PRKN: variants seen among roughly 807,000 people sequenced by gnomAD.
PRKN encodes the protein E3 ubiquitin-protein ligase parkin.
In PRKN, 56 loss-of-function variants were observed where a neutral mutation model predicts 59.5. That is an observed-to-expected ratio of 0.94 (90% CI 0.76 to 1.18). PRKN has a LOEUF of 1.18. Ranked by LOEUF, PRKN falls within the 50% of genes most tolerant of loss-of-function variation. The pLI, the probability that PRKN is intolerant of heterozygous loss-of-function variation, is 0.00. For synonymous variants in PRKN, 250 were observed against 222.1 expected, an observed-to-expected ratio of 1.13 and a Z score of -1.12; for missense variants, 657 against 596.4, an observed-to-expected ratio of 1.10 and a Z score of -1.06.
intron 1 of PRKN, among the ~76,000 whole-genome samples, chr6:162,652,934 A>G (rs1778501886): frequency 6.6e-6 from 1 of 152,206 alleles, no homozygotes; most frequent in African/African-American, 2.4e-5. Flanking sequence ...AAAGATATAA[A>G]ACAGGCCTTT....
rs184214003 is a variant in PRKN, at chr6:162,658,496, T to C, written c.7+69166A>G. 4.7e-3 allele frequency among the ~76,000 whole-genome samples: 720 copies of C among 151,772 alleles called. 19 individuals carry two copies. Among genetic ancestry groups the C allele is most frequent in the Admixed American group, 0.042 (640 of 15,244 alleles). On this transcript the variant is annotated intron_variant, in intron 1 of 11. Transcript: ENST00000366898. Reference sequence around the variant, plus strand: ...AGCCAACATGGTGAAACCCCGTCTCTACAAATATAAAAAAATTAGCTGGGC... The same window carrying C: ...AGCCAACATGGTGAAACCCCGTCTCCACAAATATAAAAAAATTAGCTGGGC...
chr6:162,451,787 G>GA (rs74336346), intron 1 of PRKN, among the ~76,000 whole-genome samples: 11,779 of 151,976 alleles, frequency 0.078, 599 homozygotes, highest in Middle Eastern at 0.12. Flanking sequence ...GAGTCACAAA[G>GA]AAAAAATGAA....
At chr6:161,969,267 TG>T (rs1554255932) in intron 6 of PRKN, among the ~76,000 whole-genome samples, 54 of 134,402 alleles carry the variant, frequency 4.0e-4, no homozygotes, top group African/African-American at 1.3e-3. Context: ...CAGTCTTATT[TG>T]TTTTTTTTTT....
chr6:161,890,309 T>C (rs971531308), intron 6 of PRKN, among the ~76,000 whole-genome samples: 14 of 152,188 alleles, frequency 9.2e-5, no homozygotes, highest in Admixed American at 8.5e-4. Flanking sequence ...CTTCCCTTTT[T>C]TCCTTCAGGA....
chr6:162,277,056 A>G (rs59548612), intron 2 of PRKN, among the ~76,000 whole-genome samples: 10,991 of 152,228 alleles, frequency 0.072, 1,095 homozygotes, highest in East Asian at 0.5. Context: ...GTTCTTCCAT[A>G]CAGAACAACA....
At chr6:162,360,675 A>G (rs1357399794) in intron 2 of PRKN, among the ~76,000 whole-genome samples, 2 of 152,218 alleles carry the variant, frequency 1.3e-5, no homozygotes, top group African/African-American at 4.8e-5. Flanking sequence ...CAAGAAGTCA[A>G]AAGTAAACAC....
At position 161,373,854 on chromosome 6, in the gene PRKN, T is replaced by C. The variant is rs1275376130; in HGVS notation, c.1167+12940A>G. 6.6e-6 allele frequency among the ~76,000 whole-genome samples: 1 copy of C among 152,158 alleles called. No individual in the cohort carries two copies. Among genetic ancestry groups the C allele is most frequent in the Non-Finnish European group, 1.5e-5 (1 of 68,024 alleles). On this transcript the variant is annotated intron_variant, in intron 10 of 11. Transcript: ENST00000366898. The surrounding 1 kb of genome is among the most constrained non-coding windows in gnomAD (Gnocchi z 4.8). ...GGGGCCAGGATCCAGCTGTTAGCTTTTCAAATCTGCACACCTCTCAGAAAT... is the reference window on the plus strand; with the variant it reads ...GGGGCCAGGATCCAGCTGTTAGCTTCTCAAATCTGCACACCTCTCAGAAAT...
chr6:162,676,117 C>T (rs2803088), intron 1 of PRKN, among the ~76,000 whole-genome samples: 125,575 of 152,122 alleles, frequency 0.83, 52,100 homozygotes, highest in East Asian at 0.98. Context: ...GAGGAAGACA[C>T]TAGTAACAGA....
intron 5 of PRKN, among the ~76,000 whole-genome samples, chr6:161,999,497 CA>C (rs1483313306): frequency 6.6e-6 from 1 of 152,082 alleles, no homozygotes; most frequent in African/African-American, 2.4e-5. Context: ...TATGCATGAG[CA>C]AATATTTCAT....
At chr6:161,918,746 G>T (rs1778670429) in intron 6 of PRKN, among the ~76,000 whole-genome samples, 1 of 152,126 alleles carries the variant, frequency 6.6e-6, no homozygotes, top group Non-Finnish European at 1.5e-5. Context: ...ATGTAATTAG[G>T]CAAAAGCTTT....
intron 1 of PRKN, among the ~76,000 whole-genome samples, chr6:162,458,009 T>C (rs1790963096): frequency 6.6e-6 from 1 of 151,542 alleles, no homozygotes; most frequent in Non-Finnish European, 1.5e-5. Context: ...TAATCCAAGC[T>C]CTTTGAGAGG....
At chr6:162,373,248 T>C (rs1785867883) in intron 2 of PRKN, among the ~76,000 whole-genome samples, 1 of 152,212 alleles carries the variant, frequency 6.6e-6, no homozygotes, top group Non-Finnish European at 1.5e-5. Context: ...AGTTTAAGTT[T>C]TCTTTTGAGA....
chr6:162,087,535 G>T (rs939205279), intron 4 of PRKN, among the ~76,000 whole-genome samples: 2 of 149,902 alleles, frequency 1.3e-5, no homozygotes, highest in African/African-American at 4.9e-5. Context: ...AGGAAGCATG[G>T]TTTCTGCTTC....
At chr6:162,213,976 T>C (rs777734691) in intron 3 of PRKN, among the ~76,000 whole-genome samples, 1 of 151,776 alleles carries the variant, frequency 6.6e-6, no homozygotes. Flanking sequence ...CATCCACTCA[T>C]ACCCTTAGGA....
intron 7 of PRKN, among the ~76,000 whole-genome samples, chr6:161,642,699 G>A (rs529721407): frequency 1.3e-4 from 20 of 152,278 alleles, no homozygotes; most frequent in Admixed American, 9.2e-4. Context: ...CAAAAAGTCA[G>A]TGGAGGAATT....
At chr6:162,444,505 C>T (rs1486198972) in intron 1 of PRKN, among the ~76,000 whole-genome samples, 2 of 151,658 alleles carry the variant, frequency 1.3e-5, no homozygotes, top group Admixed American at 1.3e-4. Context: ...AAAAAAATCA[C>T]AAAAAACTGC....
At chr6:162,588,033 T>C (rs1384564160) in intron 1 of PRKN, among the ~76,000 whole-genome samples, 2 of 150,872 alleles carry the variant, frequency 1.3e-5, no homozygotes, top group East Asian at 4.0e-4. Flanking sequence ...TTTTTTTAGA[T>C]GGAGTCTCAA....
chr6:161,686,427 A>G (rs7766368), intron 7 of PRKN, among the ~76,000 whole-genome samples: 87,678 of 151,620 alleles, frequency 0.58, 25,490 homozygotes, highest in East Asian at 0.62. Context: ...CCTTTGCGTA[A>G]AAATTACATA....
chr6:161,900,481 A>G (rs983309791), intron 6 of PRKN, among the ~76,000 whole-genome samples: 6 of 142,184 alleles, frequency 4.2e-5, no homozygotes, highest in Non-Finnish European at 9.0e-5. Context: ...TATGTAATAT[A>G]TAATATAAAT....
Sources: gnomAD v4.1 joint callset for allele counts (sites outside exome capture counted in the v4.1 genomes callset) on GRCh38, gnomAD v4.1.1 for gene constraint, Gnocchi (gnomAD v3.1) non-coding constraint, MANE v1.5 for transcripts, NCBI Gene and HGNC (gene_info 2026-07-23, HGNC 2026-07-21) for gene names.